The following RGR variants were observed in gnomAD, a reference collection of about 807,000 sequenced individuals.
RGR encodes the protein RPE-retinal G protein-coupled receptor.
In RGR, 30 loss-of-function variants were observed where a neutral mutation model predicts 28.6. That is an observed-to-expected ratio of 1.05 (90% CI 0.78 to 1.42). The LOEUF is 1.42. Ranked by LOEUF, RGR falls within the 40% of genes most tolerant of loss-of-function variation. The pLI, the probability that RGR is intolerant of heterozygous loss-of-function variation, is 0.00. For synonymous variants in RGR, 180 were observed against 156.4 expected, an observed-to-expected ratio of 1.15 and a Z score of -1.13; for missense variants, 404 against 375.6, an observed-to-expected ratio of 1.08 and a Z score of -0.62.
At position 84,248,885 on chromosome 10, in the gene RGR, C is replaced by G. The variant is rs1262658213; in HGVS notation, c.237-37C>G. On this transcript the variant is annotated intron_variant, in intron 2 of 6. Coordinates refer to ENST00000652092, the MANE Select transcript of RGR (RefSeq NM_001012720.2). The stretch of plus-strand genomic sequence containing the variant: ...GGCAGGTGTGGGAGGTGGAAAGGAT[C>G]GGAGGAGAGGTCACTGGTGCCCAGT... The G allele has an allele frequency of 4.3e-6, 7 of 1,614,034 alleles. No individual in the cohort carries two copies. In the African/African-American group the frequency reaches 8.0e-5, roughly 18 times the overall value.
intron 5 of RGR, 110 bp downstream of exon 5, chr10:84,254,553 C>A: frequency 2.1e-6 from 2 of 950,998 alleles, no homozygotes; most frequent in South Asian, 2.7e-5. Context: ...AACAAATATT[C>A]ATTGCTTTTG....
Position 84,245,132 on chromosome 10 carries a change from C to G in RGR, c.42C>G (p.Leu14=). The part of the protein sequence containing the change: ...TSALPTGFGE[L]EVLAVGMVLL... ...CCCTGCCCACTGGCTTCGGGGAGCT[C>G]GAGGTGCTGGCTGTGGGGATGGTGC... The change falls in exon 1 of 7, where the codon CTC becomes CTG. Residue 14 remains leucine (L), a synonymous_variant. Transcript: ENST00000652092. 2 of 1,613,234 alleles carry G rather than the reference C, an allele frequency of 1.2e-6. No individual in the cohort carries two copies. Among genetic ancestry groups the G allele is most frequent in the Non-Finnish European group, 1.7e-6 (2 of 1,179,808 alleles).
At chr10:84,247,500 G>A in intron 1 of RGR, 91 bp from the exon 2 acceptor site, 3 of 1,413,280 alleles carry the variant, frequency 2.1e-6, no homozygotes, top group South Asian at 1.2e-5. Flanking sequence ...CTGTCCAGGA[G>A]GTTGCTGATG....
chr10:84,250,344 C>G, intron 3 of RGR: 1 of 717,378 alleles, frequency 1.4e-6, no homozygotes, highest in East Asian at 2.7e-5. Context: ...TGAAAATTCA[C>G]TGCCCCTCAT....
In RGR at chr10:84,247,733, A is replaced by C. The variant is rs1352220345; in HGVS notation, c.222A>C (p.Thr74=). 6.2e-7 allele frequency: 1 copy of C among 1,613,944 alleles called. No individual in the cohort carries two copies. Among genetic ancestry groups the C allele is most frequent in the South Asian group, 1.1e-5 (1 of 91,078 alleles). Residue 74 remains threonine (T), a synonymous_variant, in exon 2 of 7, where the codon ACA becomes ACC. Transcript: ENST00000652092. Reference sequence around the variant, plus strand: ...GCCTGAATGCCCTCGTTGCAGCCACATCCAGCCTTCTCCGGTACCAGCCCC... The same window carrying C: ...GCCTGAATGCCCTCGTTGCAGCCACCTCCAGCCTTCTCCGGTACCAGCCCC... ...GISLNALVAA[T]SSLLRRWPYG... is the part of the protein sequence containing the mutation.
intron 5 of RGR, among the ~76,000 whole-genome samples, chr10:84,254,875 A>T (rs1428803801): frequency 6.6e-6 from 1 of 152,164 alleles, no homozygotes; most frequent in Non-Finnish European, 1.5e-5. Context: ...TTTTAAGGAT[A>T]CTTTTTCTCT....
intron 1 of RGR, among the ~76,000 whole-genome samples, chr10:84,246,924 C>G (rs1251451970): frequency 2.0e-5 from 3 of 152,170 alleles, no homozygotes; most frequent in Non-Finnish European, 4.4e-5. Flanking sequence ...CATGTCTTTG[C>G]ACATGCTATT....
chr10:84,252,292 C>A (rs759849275), intron 3 of RGR, among the ~76,000 whole-genome samples: 1 of 152,224 alleles, frequency 6.6e-6, no homozygotes, highest in African/African-American at 2.4e-5. Context: ...TGATTCTGAG[C>A]AAGTGCTGAG....
At chr10:84,246,451 A>G (rs1842747716) in intron 1 of RGR, among the ~76,000 whole-genome samples, 2 of 152,160 alleles carry the variant, frequency 1.3e-5, no homozygotes, top group African/African-American at 4.8e-5. Context: ...CTCACGGTTT[A>G]GCTCCCACTT....
rs902876472 is a variant in RGR at position 84,258,703 on chromosome 10, C to T, written c.*64C>T. On this transcript the variant is annotated 3_prime_UTR_variant, in exon 7 of 7. Coordinates refer to ENST00000652092, the MANE Select transcript of RGR (RefSeq NM_001012720.2). Reference sequence around the variant, plus strand: ...TTCCAGGAGTCCTGCCCAGCAGCCTCAGTGGCCAAGCCCAGACACTCACCC... The same window carrying T: ...TTCCAGGAGTCCTGCCCAGCAGCCTTAGTGGCCAAGCCCAGACACTCACCC... 2.0e-5 allele frequency: 32 copies of T among 1,609,572 alleles called. No individual in the cohort carries two copies. The highest frequency in any genetic ancestry group is 2.5e-5 in the Non-Finnish European group (29 of 1,178,464).
intron 3 of RGR, among the ~76,000 whole-genome samples, chr10:84,251,756 C>T (rs1842821105): frequency 6.6e-6 from 1 of 152,194 alleles, no homozygotes; most frequent in Non-Finnish European, 1.5e-5. Context: ...GGGGGCTCCA[C>T]CCTTATGGCC....
At chr10:84,247,517 C>T (rs1184853774) in intron 1 of RGR, 74 bp from the exon 2 acceptor site, 1 of 1,555,692 alleles carries the variant, frequency 6.4e-7, no homozygotes, top group South Asian at 1.1e-5. Context: ...GATGTTCCAT[C>T]CACCCCACAC....
Position 84,247,602 on chromosome 10 carries a change from C to T in RGR, c.91C>T (p.Leu31Phe), listed in dbSNP as rs779990526. The part of the protein sequence containing the change: ...MVLLVEALSG[L>F]SLNTLTIFSF... ...ACCCTTCCTTTCAGCTCTCTCCGGT[C>T]TCAGCCTCAATACCCTGACCATCTT... The change falls in exon 2 of 7, where the codon CTC becomes TTC. Residue 31 changes from leucine (L) to phenylalanine (F), a missense_variant. Coordinates refer to ENST00000652092, the MANE Select transcript of RGR (RefSeq NM_001012720.2). 4 of 1,614,208 alleles carry T rather than the reference C, an allele frequency of 2.5e-6. No individual in the cohort carries two copies. The highest frequency in any genetic ancestry group is 3.4e-6 in the Non-Finnish European group (4 of 1,180,048).
intron 3 of RGR, chr10:84,250,503 C>T: frequency 8.6e-6 from 6 of 698,666 alleles, no homozygotes; most frequent in South Asian, 7.5e-5. Context: ...CTAATGCTCC[C>T]TTGGACCATC....
chr10:84,249,670 C>T (rs1271172087), intron 3 of RGR, among the ~76,000 whole-genome samples: 1 of 152,192 alleles, frequency 6.6e-6, no homozygotes, highest in Non-Finnish European at 1.5e-5. Flanking sequence ...ATCAGGGATA[C>T]AGAAAATGCC....
chr10:84,258,517 C>T lies in RGR; in HGVS notation c.754C>T (p.Leu252Phe), dbSNP rs146060475. Residue 252 changes from leucine to phenylalanine, a missense_variant, in exon 7 of 7, where the codon CTC becomes TTC. Physicochemically the swap from Leu to Phe is conservative, Grantham distance 22. Coordinates refer to ENST00000652092, the MANE Select transcript of RGR (RefSeq NM_001012720.2). ...TTTTCTGCCACAACAGGTGCCCGCC[C>T]TCATTGCCAAAATGGTGCCCACGAT... ...ISPKLQMVPALIAKMVPTINA... is the reference protein window; with the variant it reads ...ISPKLQMVPAFIAKMVPTINA... 1 of 1,614,212 alleles carries T rather than the reference C, an allele frequency of 6.2e-7. No individual in the cohort carries two copies. The highest frequency in any genetic ancestry group is 1.3e-5 in the African/African-American group (1 of 75,052).
At position 84,249,012 on chromosome 10, in the gene RGR, C is replaced by T. The variant is rs758536296; in HGVS notation, c.327C>T (p.Ile109=). 1.6e-5 allele frequency: 26 copies of T among 1,614,054 alleles called. No homozygotes were observed. The highest frequency in any genetic ancestry group is 2.2e-5 in the Non-Finnish European group (26 of 1,179,944). Residue 109 remains isoleucine, a synonymous_variant, in exon 3 of 7, where the codon ATC becomes ATT. Transcript: ENST00000652092. ...CCAGCATCTGCAGCAGTGCAGCCAT[C>T]GCATGGGGGCGTTATCACCACTACT... ...ALASICSSAA[I]AWGRYHHYCT...
At chr10:84,253,364 A>G (rs868392754) in intron 4 of RGR, among the ~76,000 whole-genome samples, 6 of 152,158 alleles carry the variant, frequency 3.9e-5, no homozygotes, top group Admixed American at 6.5e-5. Context: ...GACCTCATCA[A>G]TTTCTAGAGG....
In RGR at chr10:84,253,015, G is replaced by C. The variant is rs748091229; in HGVS notation, c.512+5G>C. On this transcript the variant is annotated splice_donor_5th_base_variant and intron_variant, in intron 4 of 6. Coordinates refer to ENST00000652092, the MANE Select transcript of RGR (RefSeq NM_001012720.2). ...GGACTACTCCAAGGGGGACAGGTGA[G>C]GTGGGAGGAGCAGCTTCGAGGCTCC... The C allele has an allele frequency of 3.1e-6, 5 of 1,612,778 alleles. No homozygotes were observed. The highest frequency in any genetic ancestry group is 1.7e-6 in the Non-Finnish European group (2 of 1,179,748).
Sources: allele counts gnomAD v4.1 joint callset (sites outside exome capture counted in the v4.1 genomes callset), GRCh38; gene constraint gnomAD v4.1.1; transcripts MANE v1.5; gene names NCBI Gene and HGNC (gene_info 2026-07-23, HGNC 2026-07-21).